GHR: variants seen among roughly 807,000 people sequenced by gnomAD.
The protein encoded by GHR is GH receptor.
In GHR, 35 loss-of-function variants were observed where a neutral mutation model predicts 67.1. The ratio of observed to expected loss-of-function variants is 0.52; its 90% confidence interval spans 0.40 to 0.69. The LOEUF (loss-of-function observed/expected upper bound fraction) is 0.69. Ranked by LOEUF, GHR falls within the 30% of genes least tolerant of loss-of-function variation. The probability of loss-of-function intolerance (pLI) is 0.00; values close to 1 mark genes in which losing one functional copy is unlikely to be tolerated. For missense variants in GHR, 792 were observed against 764.6 expected (o/e 1.04, Z -0.42); for synonymous variants, 272 against 269.1 (o/e 1.01, Z -0.10).
intron 1 of GHR, among the ~76,000 whole-genome samples, chr5:42,498,683 T>C (rs1263006452): frequency 1.3e-5 from 2 of 152,198 alleles, no homozygotes; most frequent in African/African-American, 4.8e-5. Context: ...CAACCAAGTT[T>C]GTTCTCTTTC....
At chr5:42,478,378 G>T (rs1199581366) in intron 1 of GHR, among the ~76,000 whole-genome samples, 1 of 152,044 alleles carries the variant, frequency 6.6e-6, no homozygotes, top group Non-Finnish European at 1.5e-5. Flanking sequence ...CTCTTTTTTG[G>T]TTCCATATGA....
At chr5:42,662,107 A>G (rs1755669787) in intron 3 of GHR, among the ~76,000 whole-genome samples, 1 of 152,188 alleles carries the variant, frequency 6.6e-6, no homozygotes, top group African/African-American at 2.4e-5. Context: ...TCATAAAGCA[A>G]GTCCTGAGTG....
chr5:42,613,591 A>T (rs1469633374), intron 2 of GHR, among the ~76,000 whole-genome samples: 1 of 152,108 alleles, frequency 6.6e-6, no homozygotes, highest in African/African-American at 2.4e-5. Flanking sequence ...CCTGTAAATT[A>T]TTTCAGGGAT....
chr5:42,552,607 CTT>C (rs371068435), intron 1 of GHR, among the ~76,000 whole-genome samples: 47 of 152,148 alleles, frequency 3.1e-4, no homozygotes, highest in African/African-American at 1.1e-3. Context: ...CTTAGCCAAA[CTT>C]AAGAGATGAG....
intron 1 of GHR, among the ~76,000 whole-genome samples, chr5:42,481,082 G>C (rs1398282109): frequency 1.3e-5 from 2 of 151,958 alleles, no homozygotes; most frequent in African/African-American, 2.4e-5. Context: ...GGGCAGGCCT[G>C]GTGGTGACAA....
chr5:42,558,682 G>T (rs964846480), intron 1 of GHR, among the ~76,000 whole-genome samples: 2 of 152,152 alleles, frequency 1.3e-5, no homozygotes, highest in Non-Finnish European at 2.9e-5. Context: ...AGAGCAATAG[G>T]CTATCCCATA....
intron 1 of GHR, chr5:42,514,163 T>A (rs565444447): frequency 2.0e-6 from 2 of 984,940 alleles, no homozygotes; most frequent in African/African-American, 3.5e-5. Flanking sequence ...ACTGGGCGCA[T>A]CTTACAAGTA....
chr5:42,591,217 G>A (rs1325711164), intron 2 of GHR, among the ~76,000 whole-genome samples: 1 of 152,214 alleles, frequency 6.6e-6, no homozygotes. Context: ...GAGCTGTGCA[G>A]GCTGCTGACA....
At chr5:42,559,954 G>T (rs1267852767) in intron 1 of GHR, among the ~76,000 whole-genome samples, 1 of 151,986 alleles carries the variant, frequency 6.6e-6, no homozygotes, top group African/African-American at 2.4e-5. Context: ...TATTAGAAAA[G>T]CTTCACCAAG....
chr5:42,704,530 C>A (rs1430368589), intron 6 of GHR, among the ~76,000 whole-genome samples: 1 of 151,526 alleles, frequency 6.6e-6, no homozygotes, highest in Non-Finnish European at 1.5e-5. Context: ...TTGTAGTGTC[C>A]TTTCATGGTT....
intron 1 of GHR, among the ~76,000 whole-genome samples, chr5:42,515,913 G>C (rs1445014743): frequency 1.3e-5 from 2 of 152,148 alleles, no homozygotes; most frequent in African/African-American, 4.8e-5. Flanking sequence ...AAGTTGTTTG[G>C]TTTAAATCTA....
intron 1 of GHR, chr5:42,547,984 C>A (rs1748814507): frequency 1.9e-6 from 1 of 513,940 alleles, no homozygotes; most frequent in Non-Finnish European, 2.5e-6. Flanking sequence ...GATTCAGATA[C>A]CCTATCACTG....
chr5:42,445,287 G>C (rs1237013367), intron 1 of GHR, among the ~76,000 whole-genome samples: 2 of 152,154 alleles, frequency 1.3e-5, no homozygotes, highest in African/African-American at 4.8e-5. Flanking sequence ...AGTTTCAAAA[G>C]ACAATGTTAT....
At chr5:42,536,883 A>G (rs1395827179) in intron 1 of GHR, among the ~76,000 whole-genome samples, 1 of 152,048 alleles carries the variant, frequency 6.6e-6, no homozygotes, top group Admixed American at 6.6e-5. Flanking sequence ...TCCTGATTTA[A>G]GCTAGGAGAG....
rs546952283 is a variant in GHR at position 42,719,306 on chromosome 5, T to C, written c.1799T>C (p.Ile600Thr). 5.0e-6 allele frequency: 8 copies of C among 1,614,202 alleles called. No homozygotes were observed. The highest frequency in any genetic ancestry group is 6.8e-6 in the Non-Finnish European group (8 of 1,180,024). The change falls in exon 10 of 10, where the codon ATA becomes ACA. Residue 600 changes from isoleucine (I) to threonine (T), a missense_variant. Transcript: ENST00000230882. ...MPVPDYTSIHIVQSPQGLILN... is the reference protein window; with the variant it reads ...MPVPDYTSIHTVQSPQGLILN... ...GTCCCAGACTATACCTCCATTCATA[T>C]AGTACAGTCCCCACAGGGCCTCATA...
chr5:42,693,325 A>G (rs4318793), intron 4 of GHR, among the ~76,000 whole-genome samples: 10,715 of 151,942 alleles, frequency 0.071, 446 homozygotes, highest in Middle Eastern at 0.12. Flanking sequence ...TATTTTTAGT[A>G]CAGATGGGGT....
At chr5:42,498,228 G>A (rs1746399893) in intron 1 of GHR, among the ~76,000 whole-genome samples, 1 of 152,174 alleles carries the variant, frequency 6.6e-6, no homozygotes, top group African/African-American at 2.4e-5. Flanking sequence ...GTTCAGGTCT[G>A]TACCAGTTGA....
intron 2 of GHR, among the ~76,000 whole-genome samples, chr5:42,569,635 A>G (rs747708735): frequency 1.2e-4 from 18 of 152,196 alleles, no homozygotes; most frequent in Non-Finnish European, 2.6e-4. Flanking sequence ...CATATGTAAC[A>G]TATATAGTAT....
intron 1 of GHR, among the ~76,000 whole-genome samples, chr5:42,532,515 T>G (rs1748020513): frequency 6.6e-6 from 1 of 152,168 alleles, no homozygotes. Flanking sequence ...TACAGAAAAA[T>G]TTGAAGGCCC....
Sources: gnomAD v4.1 joint callset for allele counts (sites outside exome capture counted in the v4.1 genomes callset) on GRCh38, gnomAD v4.1.1 for gene constraint, MANE v1.5 for transcripts, NCBI Gene and HGNC (gene_info 2026-07-23, HGNC 2026-07-21) for gene names.